The following L3MBTL4 variants were observed in gnomAD, a reference collection of about 807,000 sequenced individuals.
L3MBTL4 encodes the protein L3MBTL histone methyl-lysine binding protein 4.
L3MBTL4 carries 70 observed loss-of-function variants against 84.5 expected under a neutral mutation model. The observed-to-expected ratio is 0.83, with a 90% CI of 0.68 to 1.01. The LOEUF is 1.01. L3MBTL4 is among the 50% of genes least tolerant of loss of function. The pLI is 0.00. For synonymous variants in L3MBTL4, 274 were observed against 259.8 expected (o/e 1.05, Z -0.52); for missense variants, 715 against 754.8 (o/e 0.95, Z 0.62).
intron 16 of L3MBTL4, among the ~76,000 whole-genome samples, chr18:6,079,169 C>T (rs1021099893): frequency 6.6e-6 from 1 of 152,056 alleles, no homozygotes; most frequent in African/African-American, 2.4e-5. Flanking sequence ...TTGGGGACTC[C>T]GGACATACAA....
At chr18:6,310,240 C>T (rs1436333638) in intron 3 of L3MBTL4, among the ~76,000 whole-genome samples, 1 of 152,176 alleles carries the variant, frequency 6.6e-6, no homozygotes. Context: ...CAGATGCAGG[C>T]CTGCCCAAGT....
chr18:6,139,694 A>G (rs1225695215), intron 13 of L3MBTL4, among the ~76,000 whole-genome samples: 1 of 151,684 alleles, frequency 6.6e-6, no homozygotes, highest in East Asian at 1.9e-4. Flanking sequence ...CCTCATCTCA[A>G]TATTCCCCAT....
intron 1 of L3MBTL4, among the ~76,000 whole-genome samples, chr18:6,323,365 A>G (rs1272439356): frequency 6.6e-6 from 1 of 152,268 alleles, no homozygotes; most frequent in African/African-American, 2.4e-5. Flanking sequence ...GAAGAAGATA[A>G]GAAGATGAAG....
In L3MBTL4 at chr18:6,184,952, T is replaced by C. The variant is rs1251941619; in HGVS notation, c.982-13010A>G. 5.9e-5 allele frequency among the ~76,000 whole-genome samples: 9 copies of C among 152,244 alleles called. 1 individual carries two copies. On this transcript the variant is annotated intron_variant, in intron 12 of 18. Transcript: ENST00000317931. ...ACTTGCAGCATTATTTTTTGCACTT[T>C]GTGCCAGTATAACTTGGGCAACCTA...
chr18:6,294,369 T>G (rs1428671756), intron 4 of L3MBTL4, among the ~76,000 whole-genome samples: 2 of 152,088 alleles, frequency 1.3e-5, no homozygotes, highest in Non-Finnish European at 2.9e-5. Flanking sequence ...CATGAAAAGT[T>G]TAGGTCTGAG....
intron 1 of L3MBTL4, among the ~76,000 whole-genome samples, chr18:6,390,362 G>A (rs1263693896): frequency 6.6e-6 from 1 of 152,090 alleles, no homozygotes; most frequent in Non-Finnish European, 1.5e-5. Flanking sequence ...AATGCTAATT[G>A]CCAATCAAAA....
chr18:6,374,162 G>A (rs770018756), intron 1 of L3MBTL4, among the ~76,000 whole-genome samples: 2 of 152,184 alleles, frequency 1.3e-5, no homozygotes, highest in African/African-American at 4.8e-5. Context: ...TGAAAATCCA[G>A]CTCTGGAGTG....
chr18:6,240,029 G>T (rs923535211), intron 8 of L3MBTL4, among the ~76,000 whole-genome samples, 157 bp from the exon 9 acceptor site: 1 of 152,134 alleles, frequency 6.6e-6, no homozygotes, highest in African/African-American at 2.4e-5. Context: ...AAAAATATCC[G>T]GCAACTGTCA....
intron 16 of L3MBTL4, among the ~76,000 whole-genome samples, chr18:6,071,774 A>AAAGAAAGAAAGAAAG (rs2057643719): frequency 9.2e-6 from 1 of 108,270 alleles, no homozygotes; most frequent in African/African-American, 3.3e-5. Flanking sequence ...AGAAAGAAAG[A>AAAGAAAGAAAGAAAG]AAGAAAGAAA....
chr18:6,279,558 G>A (rs1379581593), intron 4 of L3MBTL4, among the ~76,000 whole-genome samples: 2 of 152,290 alleles, frequency 1.3e-5, no homozygotes, highest in Non-Finnish European at 2.9e-5. Context: ...GGATATTCAT[G>A]TGATGGTGAA....
Position 6,414,124 on chromosome 18 carries a change from C to T in L3MBTL4, c.-91+677G>A, listed in dbSNP as rs1247218941. 1 of 152,168 alleles carries T rather than the reference C, an allele frequency of 6.6e-6. No individual in the cohort carries two copies. The highest frequency in any genetic ancestry group is 1.5e-5 in the Non-Finnish European group (1 of 68,064). The allele number at this position is 152,168 out of a possible 1,614,324, so 9.4% of individuals were successfully genotyped here. On this transcript the variant is annotated intron_variant, in intron 1 of 18. Coordinates refer to ENST00000317931, the MANE Select transcript of L3MBTL4 (RefSeq NM_001330559.2). This position sits in a 1 kb window ranked among gnomAD's most constrained non-coding sequence, Gnocchi z 5.4. ...TGTGGCCGGCGCGCCCCCCGCAGTT[C>T]CAGGCGGTGGCAGGAGCCTGAGAGC...
At chr18:6,095,383 C>T (rs7236525) in intron 14 of L3MBTL4, among the ~76,000 whole-genome samples, 30,796 of 145,170 alleles carry the variant, frequency 0.21, 4,856 homozygotes, top group African/African-American at 0.45. Flanking sequence ...AGTCTCGCTC[C>T]GTCGCCCAGG....
intron 1 of L3MBTL4, among the ~76,000 whole-genome samples, chr18:6,385,660 A>C (rs1438943618): frequency 6.6e-6 from 1 of 152,184 alleles, no homozygotes; most frequent in Non-Finnish European, 1.5e-5. Flanking sequence ...AAGTTATTCC[A>C]CATATTAAGC....
intron 17 of L3MBTL4, among the ~76,000 whole-genome samples, chr18:5,965,308 C>T (rs562182799): frequency 1.3e-5 from 2 of 152,246 alleles, no homozygotes; most frequent in Non-Finnish European, 2.9e-5. Flanking sequence ...CCTCTCTTCA[C>T]AGGTGGCATA....
At chr18:6,060,266 A>G (rs2057162934) in intron 16 of L3MBTL4, among the ~76,000 whole-genome samples, 1 of 152,136 alleles carries the variant, frequency 6.6e-6, no homozygotes, top group Non-Finnish European at 1.5e-5. Flanking sequence ...TCCACTGCAA[A>G]TAATTCCTTT....
intron 13 of L3MBTL4, among the ~76,000 whole-genome samples, chr18:6,166,104 G>A (rs2043639586): frequency 6.6e-6 from 1 of 152,130 alleles, no homozygotes. Flanking sequence ...AATGGTAAAG[G>A]GATCAATTCA....
chr18:6,283,854 T>C (rs1403217822), intron 4 of L3MBTL4, among the ~76,000 whole-genome samples: 1 of 152,204 alleles, frequency 6.6e-6, no homozygotes, highest in East Asian at 1.9e-4. Context: ...TGTTTGATTC[T>C]AAGCACACAC....
At chr18:5,988,940 C>A (rs956450072) in intron 16 of L3MBTL4, among the ~76,000 whole-genome samples, 3 of 152,320 alleles carry the variant, frequency 2.0e-5, no homozygotes, top group East Asian at 3.9e-4. Context: ...CTGTGAGGAG[C>A]GCTTCTATAC....
At chr18:6,170,845 C>A (rs1433319088) in intron 13 of L3MBTL4, among the ~76,000 whole-genome samples, 1 of 152,092 alleles carries the variant, frequency 6.6e-6, no homozygotes, top group Non-Finnish European at 1.5e-5. Context: ...CAAATGCTGG[C>A]GCCCTTCCCT....
Sources: gnomAD v4.1 joint callset for allele counts (sites outside exome capture counted in the v4.1 genomes callset) on GRCh38, gnomAD v4.1.1 for gene constraint, Gnocchi (gnomAD v3.1) non-coding constraint, MANE v1.5 for transcripts, NCBI Gene and HGNC (gene_info 2026-07-23, HGNC 2026-07-21) for gene names.